ZNF385B: variants seen among roughly 807,000 people sequenced by gnomAD.
ZNF385B encodes the protein zinc finger protein 385B.
A neutral mutation model predicts 39.2 loss-of-function variants in ZNF385B; 23 were observed. The ratio of observed to expected loss-of-function variants is 0.59; its 90% CI spans 0.42 to 0.83. ZNF385B has a LOEUF of 0.83. Among genes scored for constraint, ZNF385B ranks in the 40% least tolerant of loss-of-function variants. The pLI is 0.00. For missense variants in ZNF385B, 552 were observed against 598.9 expected (o/e 0.92, Z 0.82); for synonymous variants, 205 against 222.6 (o/e 0.92, Z 0.70).
intron 3 of ZNF385B, among the ~76,000 whole-genome samples, chr2:179,605,430 T>G (rs1251836334): frequency 6.6e-6 from 1 of 152,120 alleles, no homozygotes; most frequent in Non-Finnish European, 1.5e-5. Context: ...TGTTAATAAG[T>G]ATTTTTTTAA....
At chr2:179,805,029 T>C (rs1391057395) in intron 1 of ZNF385B, among the ~76,000 whole-genome samples, 1 of 152,190 alleles carries the variant, frequency 6.6e-6, no homozygotes. Context: ...AATTCCCTCA[T>C]GTTGAATCTG....
intron 4 of ZNF385B, among the ~76,000 whole-genome samples, chr2:179,524,624 G>A (rs190477090): frequency 9.5e-5 from 14 of 146,662 alleles, no homozygotes; most frequent in Non-Finnish European, 1.9e-4. Flanking sequence ...TATTTCTAGA[G>A]GTCCAATATG....
intron 8 of ZNF385B, 106 bp from the exon 9 acceptor site, chr2:179,445,083 T>TATGGA: frequency 2.2e-6 from 2 of 916,194 alleles, no homozygotes; most frequent in Non-Finnish European, 3.6e-6. Context: ...GGTCCATAGT[T>TATGGA]CCACGATGGT....
intron 1 of ZNF385B, among the ~76,000 whole-genome samples, chr2:179,816,690 C>A (rs1707092941): frequency 6.6e-6 from 1 of 152,098 alleles, no homozygotes; most frequent in African/African-American, 2.4e-5. Flanking sequence ...TCCTAAAGTT[C>A]TCTTATCTAA....
intron 6 of ZNF385B, among the ~76,000 whole-genome samples, chr2:179,479,842 A>T (rs1006563942): frequency 2.0e-5 from 3 of 152,124 alleles, no homozygotes; most frequent in South Asian, 2.1e-4. Flanking sequence ...CTGTCTCAAA[A>T]AAATAAATAA....
chr2:179,463,881 C>A (rs1258826206), intron 6 of ZNF385B, among the ~76,000 whole-genome samples: 1 of 152,080 alleles, frequency 6.6e-6, no homozygotes, highest in African/African-American at 2.4e-5. Flanking sequence ...AATGGGATTG[C>A]TGGGTCAAAT....
At chr2:179,804,771 C>T (rs529387338) in intron 1 of ZNF385B, among the ~76,000 whole-genome samples, 40 of 152,328 alleles carry the variant, frequency 2.6e-4, no homozygotes, top group East Asian at 3.9e-4. Context: ...AACTACATCC[C>T]TTGTGACTCC....
chr2:179,825,450 A>G (rs1317947347), intron 1 of ZNF385B, among the ~76,000 whole-genome samples: 1 of 152,148 alleles, frequency 6.6e-6, no homozygotes. Flanking sequence ...TTCTTTTTTG[A>G]TAGTCTAAAA....
intron 3 of ZNF385B, among the ~76,000 whole-genome samples, chr2:179,754,454 G>A (rs991465755): frequency 6.6e-6 from 1 of 152,194 alleles, no homozygotes; most frequent in Non-Finnish European, 1.5e-5. Flanking sequence ...CATAAAATGA[G>A]TTAGGGAGGA....
In ZNF385B at chr2:179,583,689, A is replaced by G. The variant is rs146016630; in HGVS notation, c.299-38720T>C. The stretch of plus-strand genomic sequence containing the variant: ...TGGATACAAACATGTACATAGTTAT[A>G]CCTCACTCAGCAAGTAATACAGGTA... On this transcript the variant is annotated intron_variant, in intron 3 of 9. Transcript: ENST00000410066. Among the ~76,000 whole-genome samples the G allele has an allele frequency of 4.7e-3, 723 of 152,348 alleles. 2 individuals carry two copies. The highest frequency in any genetic ancestry group is 0.017 in the Middle Eastern group (5 of 294).
intron 3 of ZNF385B, among the ~76,000 whole-genome samples, chr2:179,573,819 C>T (rs1685505663): frequency 1.3e-5 from 2 of 152,030 alleles, no homozygotes; most frequent in Non-Finnish European, 2.9e-5. Flanking sequence ...AGATCTAATG[C>T]CTATGTGGCT....
intron 5 of ZNF385B, among the ~76,000 whole-genome samples, chr2:179,490,449 C>A (rs1169516606): frequency 6.6e-6 from 1 of 152,002 alleles, no homozygotes; most frequent in East Asian, 1.9e-4. Context: ...TGTGTTTATT[C>A]ATCAGCCAAC....
At chr2:179,533,037 A>G (rs1185662490) in intron 4 of ZNF385B, among the ~76,000 whole-genome samples, 1 of 152,238 alleles carries the variant, frequency 6.6e-6, no homozygotes, top group African/African-American at 2.4e-5. Context: ...GACCGACTCC[A>G]GGAAATTCTG....
intron 1 of ZNF385B, among the ~76,000 whole-genome samples, chr2:179,786,984 C>T (rs1705044247): frequency 6.6e-6 from 1 of 152,078 alleles, no homozygotes; most frequent in East Asian, 1.9e-4. Context: ...TTTTCAAACG[C>T]ACTTATTTGC....
chr2:179,685,624 A>G (rs1697862215), intron 3 of ZNF385B, among the ~76,000 whole-genome samples: 1 of 152,138 alleles, frequency 6.6e-6, no homozygotes, highest in Non-Finnish European at 1.5e-5. Flanking sequence ...TACAGACAGC[A>G]CAATTTTTTA....
intron 4 of ZNF385B, among the ~76,000 whole-genome samples, chr2:179,526,896 T>C (rs1412250397): frequency 1.3e-5 from 2 of 152,204 alleles, no homozygotes; most frequent in Non-Finnish European, 2.9e-5. Context: ...AAACCACATA[T>C]TGGTTGTGGC....
intron 3 of ZNF385B, among the ~76,000 whole-genome samples, chr2:179,676,037 C>T (rs1042732962): frequency 2.7e-5 from 4 of 150,270 alleles, no homozygotes; most frequent in African/African-American, 9.8e-5. Context: ...TTGGCCCACC[C>T]TCAGCCTCCC....
intron 1 of ZNF385B, among the ~76,000 whole-genome samples, chr2:179,816,360 AG>A (rs1222367124): frequency 6.6e-6 from 1 of 152,186 alleles, no homozygotes; most frequent in Non-Finnish European, 1.5e-5. Flanking sequence ...TCCCCGCCGA[AG>A]GGACCTTTTC....
intron 3 of ZNF385B, among the ~76,000 whole-genome samples, chr2:179,582,382 A>C (rs562645134): frequency 1.1e-4 from 16 of 152,304 alleles, no homozygotes; most frequent in African/African-American, 3.4e-4. Flanking sequence ...CATTAGGAAA[A>C]TTATGGAGAA....
Sources: gnomAD v4.1 joint callset for allele counts (sites outside exome capture counted in the v4.1 genomes callset) on GRCh38, gnomAD v4.1.1 for gene constraint, MANE v1.5 for transcripts, NCBI Gene and HGNC (gene_info 2026-07-23, HGNC 2026-07-21) for gene names.